Variants in TYW3 observed in about 807,000 individuals in gnomAD.
The protein encoded by TYW3 is tRNA wybutosine-synthesizing protein 3 homolog.
A neutral mutation model predicts 23.1 loss-of-function variants in TYW3; 26 were observed. The observed-to-expected ratio is 1.13, with a 90% confidence interval of 0.83 to 1.56. The LOEUF (loss-of-function observed/expected upper bound fraction) is 1.56, where lower values mean the gene tolerates loss of function less well. Ranked by LOEUF, TYW3 falls within the 40% of genes most tolerant of loss-of-function variation. The probability of loss-of-function intolerance (pLI) is 0.00; values close to 1 mark genes in which losing one functional copy is unlikely to be tolerated. For synonymous variants in TYW3, 102 were observed against 105.7 expected, an observed-to-expected ratio of 0.97 and a Z score of 0.21; for missense variants, 316 against 311.9, an observed-to-expected ratio of 1.01 and a Z score of -0.10.
At chr1:74,739,540 T>C (rs1171820516) in intron 3 of TYW3, among the ~76,000 whole-genome samples, 1 of 152,190 alleles carries the variant, frequency 6.6e-6, no homozygotes, top group Non-Finnish European at 1.5e-5. Context: ...GAAATGAACA[T>C]TCCATGAAGA....
chr1:74,761,089 A>G (rs773526345), intron 5 of TYW3, among the ~76,000 whole-genome samples: 1 of 150,964 alleles, frequency 6.6e-6, no homozygotes, highest in Non-Finnish European at 1.5e-5. Flanking sequence ...CTTAAATCTC[A>G]GAGCTCATTT....
At chr1:74,740,221 G>A (rs1651080464) in intron 3 of TYW3, among the ~76,000 whole-genome samples, 1 of 152,220 alleles carries the variant, frequency 6.6e-6, no homozygotes, top group Non-Finnish European at 1.5e-5. Context: ...CTTCAGGAGT[G>A]AAGCTGCAGA....
rs555640713 is a variant in TYW3 at position 74,757,499 on chromosome 1, CT to C, written c.560+5078del. Among the ~76,000 whole-genome samples the C allele has an allele frequency of 1.4e-3, 218 of 152,280 alleles. 1 individual carries two copies. Among genetic ancestry groups the C allele is most frequent in the African/African-American group, 5.2e-3 (215 of 41,570 alleles). The stretch of plus-strand genomic sequence containing the variant: ...TTAGACTTCCATGGGGCCTGTAGCC[CT>C]TTTATTTTGGCCAATTTATCCTATT... On this transcript the variant is annotated intron_variant, in intron 5 of 5. Coordinates refer to ENST00000370867, the MANE Select transcript of TYW3 (RefSeq NM_138467.3).
chr1:74,740,662 C>T (rs2100757519), intron 3 of TYW3, among the ~76,000 whole-genome samples: 1 of 152,248 alleles, frequency 6.6e-6, no homozygotes, highest in East Asian at 1.9e-4. Flanking sequence ...TTTAGCTAGA[C>T]ACAGAGCGCT....
chr1:74,739,384 C>A (rs1015767752), intron 3 of TYW3, among the ~76,000 whole-genome samples: 2 of 152,098 alleles, frequency 1.3e-5, no homozygotes, highest in Non-Finnish European at 2.9e-5. Flanking sequence ...AAACAAACTG[C>A]AAGTTGCAAA....
chr1:74,758,981 C>T (rs1649043973), intron 5 of TYW3, among the ~76,000 whole-genome samples: 1 of 152,168 alleles, frequency 6.6e-6, no homozygotes, highest in South Asian at 2.1e-4. Flanking sequence ...ATTGAGTTCT[C>T]CAAAGGCAAA....
At chr1:74,754,082 G>A (rs932490953) in intron 5 of TYW3, among the ~76,000 whole-genome samples, 1 of 152,186 alleles carries the variant, frequency 6.6e-6, no homozygotes, top group Non-Finnish European at 1.5e-5. Context: ...CTATATGTAA[G>A]TATTTACTGG....
intron 3 of TYW3, among the ~76,000 whole-genome samples, chr1:74,745,573 A>G (rs1395977847): frequency 1.3e-5 from 2 of 152,066 alleles, no homozygotes; most frequent in African/African-American, 2.4e-5. Context: ...TGCATTTACA[A>G]TCCTCTAGCT....
intron 4 of TYW3, among the ~76,000 whole-genome samples, chr1:74,749,312 G>A (rs1284135791): frequency 2.6e-4 from 39 of 152,328 alleles, no homozygotes; most frequent in Admixed American, 2.4e-3. Flanking sequence ...TATTGTCTGA[G>A]GTTGCTTTTG....
In TYW3 at chr1:74,733,235, T is replaced by G. The variant is rs1647961614; in HGVS notation, c.-10T>G. 1.2e-6 allele frequency: 2 copies of G among 1,613,392 alleles called. No individual in the cohort carries two copies. Among genetic ancestry groups the G allele is most frequent in the Non-Finnish European group, 8.5e-7 (1 of 1,179,732 alleles). Reference sequence around the variant, plus strand: ...GAAGGAGCCGAGCGCAGACCCTGAGTCCGTCACCCATGGATCGCAGCGCGG... The same window carrying G: ...GAAGGAGCCGAGCGCAGACCCTGAGGCCGTCACCCATGGATCGCAGCGCGG... On this transcript the variant is annotated 5_prime_UTR_variant, in exon 1 of 6. Transcript: ENST00000370867.
chr1:74,742,550 A>T (rs1034184417), intron 3 of TYW3, among the ~76,000 whole-genome samples: 8 of 152,168 alleles, frequency 5.3e-5, no homozygotes, highest in Non-Finnish European at 1.0e-4. Flanking sequence ...TTCTAATGGG[A>T]TGTTCTGCCT....
intron 3 of TYW3, among the ~76,000 whole-genome samples, chr1:74,740,001 CT>C (rs1332835942): frequency 6.6e-6 from 1 of 152,180 alleles, no homozygotes; most frequent in Admixed American, 6.5e-5. Context: ...TGGTAGTCGC[CT>C]TTATCCAGAT....
intron 3 of TYW3, among the ~76,000 whole-genome samples, chr1:74,744,639 G>A (rs1056247134): frequency 2.0e-5 from 3 of 152,280 alleles, no homozygotes; most frequent in African/African-American, 2.4e-5. Flanking sequence ...GTCGCCAAAT[G>A]TGTCCCATCT....
At chr1:74,734,557 A>G (rs75976196) in intron 1 of TYW3, among the ~76,000 whole-genome samples, 2,718 of 152,314 alleles carry the variant, frequency 0.018, 85 homozygotes, top group African/African-American at 0.062. Context: ...GGAAAGAATG[A>G]ATCTTGTCAG....
At chr1:74,741,780 A>G (rs199694778) in intron 3 of TYW3, among the ~76,000 whole-genome samples, 1 of 150,064 alleles carries the variant, frequency 6.7e-6, no homozygotes, top group Non-Finnish European at 1.5e-5. Context: ...TGGATTCTCA[A>G]CAAGGCCATG....
intron 3 of TYW3, among the ~76,000 whole-genome samples, chr1:74,741,125 A>G (rs1648343544): frequency 1.3e-5 from 2 of 152,344 alleles, no homozygotes; most frequent in East Asian, 1.9e-4. Flanking sequence ...GCTACAGTAT[A>G]TAGTCCTATC....
intron 3 of TYW3, among the ~76,000 whole-genome samples, chr1:74,741,120 A>G (rs770559446): frequency 7.2e-5 from 11 of 152,226 alleles, no homozygotes; most frequent in Non-Finnish European, 1.0e-4. Context: ...GTTTGGCTAC[A>G]GTATATAGTC....
At chr1:74,743,624 T>C (rs1557744250) in intron 3 of TYW3, among the ~76,000 whole-genome samples, 1 of 152,162 alleles carries the variant, frequency 6.6e-6, no homozygotes, top group African/African-American at 2.4e-5. Flanking sequence ...TCCTTAGTCC[T>C]TCTAGAACAC....
At chr1:74,747,719 A>G (rs1648618622) in intron 3 of TYW3, among the ~76,000 whole-genome samples, 2 of 151,514 alleles carry the variant, frequency 1.3e-5, no homozygotes, top group Admixed American at 1.3e-4. Flanking sequence ...GTGTGTATAT[A>G]TATGTATACA....
Sources: allele counts gnomAD v4.1 joint callset (sites outside exome capture counted in the v4.1 genomes callset), GRCh38; gene constraint gnomAD v4.1.1; transcripts MANE v1.5; gene names NCBI Gene and HGNC (gene_info 2026-07-23, HGNC 2026-07-21).